Variants in MACROD2 observed in about 807,000 individuals in gnomAD.
MACROD2 encodes ADP-ribose glycohydrolase MACROD2.
MACROD2 carries 36 observed loss-of-function variants against 70.4 expected under a neutral mutation model. That is an observed-to-expected ratio of 0.51 (90% CI 0.39 to 0.68). MACROD2 has a LOEUF of 0.68. Among genes scored for constraint, MACROD2 ranks in the 30% least tolerant of loss-of-function variants. The pLI is 0.00. For missense variants in MACROD2, 496 were observed against 538.4 expected (o/e 0.92, Z 0.78); for synonymous variants, 172 against 178.8 (o/e 0.96, Z 0.30).
chr20:14,998,428 T>C (rs2074967933), intron 5 of MACROD2, among the ~76,000 whole-genome samples: 1 of 152,132 alleles, frequency 6.6e-6, no homozygotes, highest in African/African-American at 2.4e-5. Context: ...GAAATGGACA[T>C]AATTTTTGAA....
intron 8 of MACROD2, among the ~76,000 whole-genome samples, chr20:15,851,684 A>T (rs1490427969): frequency 1.3e-5 from 2 of 152,184 alleles, no homozygotes; most frequent in African/African-American, 4.8e-5. Context: ...CCCAGAATAG[A>T]TGGCCCTTCC....
At chr20:15,491,990 T>A (rs1042822402) in intron 7 of MACROD2, among the ~76,000 whole-genome samples, 6 of 152,252 alleles carry the variant, frequency 3.9e-5, no homozygotes, top group Non-Finnish European at 8.8e-5. Flanking sequence ...AACGACAGAC[T>A]GTGGCCACCT....
intron 5 of MACROD2, among the ~76,000 whole-genome samples, chr20:14,839,397 T>C (rs1344126360): frequency 2.0e-5 from 3 of 152,250 alleles, no homozygotes; most frequent in African/African-American, 7.2e-5. Context: ...GCTTTTGTCT[T>C]AAATTACATT....
intron 5 of MACROD2, among the ~76,000 whole-genome samples, chr20:15,014,182 A>T (rs2075104317): frequency 6.6e-6 from 1 of 152,200 alleles, no homozygotes; most frequent in South Asian, 2.1e-4. Flanking sequence ...GTCTGGTGTG[A>T]AGCATCTTTT....
intron 4 of MACROD2, among the ~76,000 whole-genome samples, chr20:14,595,986 G>A (rs546058751): frequency 2.6e-5 from 4 of 152,236 alleles, no homozygotes; most frequent in African/African-American, 9.6e-5. Context: ...CCATCAAAAT[G>A]CAAATACATT....
chr20:14,617,056 A>C (rs1260104205), intron 4 of MACROD2, among the ~76,000 whole-genome samples: 1 of 152,120 alleles, frequency 6.6e-6, no homozygotes, highest in African/African-American at 2.4e-5. Flanking sequence ...AAGGAGGATA[A>C]ATCAAATTTG....
At chr20:15,330,880 G>C (rs898280779) in intron 6 of MACROD2, among the ~76,000 whole-genome samples, 1 of 151,622 alleles carries the variant, frequency 6.6e-6, no homozygotes, top group East Asian at 1.9e-4. Context: ...TTACTGCCCT[G>C]AAGTAATTTC....
At chr20:14,677,152 T>A (rs2070871714) in intron 4 of MACROD2, among the ~76,000 whole-genome samples, 1 of 152,252 alleles carries the variant, frequency 6.6e-6, no homozygotes, top group East Asian at 1.9e-4. Flanking sequence ...ACCTGAGGAA[T>A]GCCAGAGAGG....
intron 10 of MACROD2, among the ~76,000 whole-genome samples, chr20:15,909,908 A>G (rs1042553637): frequency 1.8e-4 from 28 of 152,134 alleles, no homozygotes; most frequent in Non-Finnish European, 3.4e-4. Flanking sequence ...AAGCAGAGAT[A>G]GGAAGATGTC....
At chr20:14,504,616 A>G (rs2084949385) in intron 4 of MACROD2, among the ~76,000 whole-genome samples, 1 of 152,184 alleles carries the variant, frequency 6.6e-6, no homozygotes, top group Non-Finnish European at 1.5e-5. Context: ...CATCCTCTGG[A>G]AATAGCTTTA....
chr20:14,836,256 G>T (rs2073029241), intron 5 of MACROD2, among the ~76,000 whole-genome samples: 2 of 152,114 alleles, frequency 1.3e-5, no homozygotes, highest in Non-Finnish European at 2.9e-5. Flanking sequence ...ACCCAAGAGA[G>T]ACTAATGTAT....
intron 7 of MACROD2, among the ~76,000 whole-genome samples, chr20:15,490,737 G>A (rs961739523): frequency 5.9e-5 from 9 of 152,136 alleles, no homozygotes; most frequent in Non-Finnish European, 7.4e-5. Flanking sequence ...AGCTCTGGGA[G>A]CCAAAGAAAC....
chr20:15,097,795 T>A (rs1029429453), intron 5 of MACROD2, among the ~76,000 whole-genome samples: 1 of 152,182 alleles, frequency 6.6e-6, no homozygotes, highest in Non-Finnish European at 1.5e-5. Context: ...TATGCTTCAT[T>A]TCTATCGACA....
At chr20:15,417,598 CAAAA>C (rs71340225) in intron 6 of MACROD2, among the ~76,000 whole-genome samples, 5 of 69,330 alleles carry the variant, frequency 7.2e-5, no homozygotes, top group Admixed American at 3.6e-4. Flanking sequence ...AACCCTGTCT[CAAAA>C]AAAAAAAAAA....
At chr20:15,306,053 A>G (rs538979521) in intron 6 of MACROD2, among the ~76,000 whole-genome samples, 2 of 152,280 alleles carry the variant, frequency 1.3e-5, no homozygotes, top group East Asian at 3.9e-4. Context: ...ATCAAAAAGT[A>G]TTTAGCTAGT....
chr20:15,967,426 G>C (rs552656489), intron 12 of MACROD2, 127 bp from the exon 13 acceptor site: 93 of 722,000 alleles, frequency 1.3e-4, no homozygotes, highest in Admixed American at 2.2e-4. Flanking sequence ...ATATGTATTT[G>C]AGTGGTTATT....
chr20:15,713,660 A>T (rs2050661424), intron 8 of MACROD2, among the ~76,000 whole-genome samples: 1 of 152,158 alleles, frequency 6.6e-6, no homozygotes, highest in Admixed American at 6.6e-5. Context: ...CACCTCCTTG[A>T]TCCAATCACC....
intron 14 of MACROD2, 88 bp downstream of exon 14, chr20:15,986,889 T>C (rs2066491967): frequency 9.3e-7 from 1 of 1,076,564 alleles, no homozygotes; most frequent in Non-Finnish European, 1.4e-6. Flanking sequence ...GTGCGTGGTG[T>C]GTGTGTGTGT....
intron 3 of MACROD2, among the ~76,000 whole-genome samples, chr20:14,484,971 T>A (rs146959799): frequency 1.2e-4 from 19 of 152,268 alleles, no homozygotes; most frequent in South Asian, 6.2e-4. Context: ...GTGATTGCTA[T>A]CTTTTGGGTA....
Sources: gnomAD v4.1 joint callset for allele counts (sites outside exome capture counted in the v4.1 genomes callset) on GRCh38, gnomAD v4.1.1 for gene constraint, MANE v1.5 for transcripts, NCBI Gene and HGNC (gene_info 2026-07-23, HGNC 2026-07-21) for gene names.